CTNNA1: variants seen among roughly 807,000 people sequenced by gnomAD.
The protein encoded by CTNNA1 is catenin alpha 1.
CTNNA1 carries 37 observed loss-of-function variants against 98.4 expected under a neutral mutation model. The ratio of observed to expected loss-of-function variants is 0.38; its 90% CI spans 0.29 to 0.49. CTNNA1 has a LOEUF of 0.49. Among genes scored for constraint, CTNNA1 ranks in the 20% least tolerant of loss-of-function variants. The pLI, the probability that CTNNA1 is intolerant of heterozygous loss-of-function variation, is 0.95. For missense variants in CTNNA1, 761 were observed against 1,147.2 expected, an observed-to-expected ratio of 0.66 and a Z score of 4.86; for synonymous variants, 404 against 413.2, an observed-to-expected ratio of 0.98 and a Z score of 0.27.
chr5:138,782,971 TC>T (rs2149655230), intron 2 of CTNNA1, among the ~76,000 whole-genome samples: 1 of 152,280 alleles, frequency 6.6e-6, no homozygotes, highest in Non-Finnish European at 1.5e-5. Flanking sequence ...GTTAAATAAT[TC>T]TCTGTACACA....
rs563650860 is a variant in CTNNA1, at chr5:138,818,288, G to A, written c.588+5986G>A. Among the ~76,000 whole-genome samples, 75 of 151,064 alleles carry A rather than the reference G, an allele frequency of 5.0e-4. 1 individual carries two copies. The highest frequency in any genetic ancestry group is 6.8e-3 in the Middle Eastern group (2 of 294). ...CCAGCTTTTTTTTTTTTTTGGGAGCGGGGGTGGGTAGAGATAGGGTCTTGT... is the reference window on the plus strand; with the variant it reads ...CCAGCTTTTTTTTTTTTTTGGGAGCAGGGGTGGGTAGAGATAGGGTCTTGT... On this transcript the variant is annotated intron_variant, in intron 5 of 17. Coordinates refer to ENST00000302763, the MANE Select transcript of CTNNA1 (RefSeq NM_001903.5).
intron 7 of CTNNA1, among the ~76,000 whole-genome samples, chr5:138,852,109 A>G (rs977004119): frequency 2.0e-5 from 3 of 152,076 alleles, no homozygotes; most frequent in African/African-American, 7.2e-5. Context: ...AATATATAAC[A>G]TGGGTGCTAC....
Position 138,873,095 on chromosome 5 carries a change from G to A in CTNNA1, c.1063-13117G>A. 6.2e-7 allele frequency: 1 copy of A among 1,613,780 alleles called. No homozygotes were observed. Among genetic ancestry groups the A allele is most frequent in the Non-Finnish European group, 8.5e-7 (1 of 1,179,794 alleles). ...GATGATGAAGGGTCCTTCATGGGTG[G>A]GTTCATATTCATTATACGGTCCTTG... On this transcript the variant is annotated intron_variant, in intron 7 of 17. Coordinates refer to ENST00000302763, the MANE Select transcript of CTNNA1 (RefSeq NM_001903.5). The surrounding 1 kb of genome is among the most constrained non-coding windows in gnomAD (Gnocchi z 6.1).
chr5:138,875,249 C>T (rs1751229290), intron 7 of CTNNA1: 1 of 336,908 alleles, frequency 3.0e-6, no homozygotes, highest in South Asian at 7.3e-5. Context: ...TTGTTGATGG[C>T]AGATGGGTGG....
intron 9 of CTNNA1, among the ~76,000 whole-genome samples, chr5:138,892,584 C>G (rs1259588072): frequency 6.6e-6 from 1 of 151,164 alleles, no homozygotes; most frequent in South Asian, 2.1e-4. Flanking sequence ...TCAAGTGATT[C>G]GCCCGCCTCG....
At chr5:138,819,858 C>CG (rs763522743) in intron 5 of CTNNA1, among the ~76,000 whole-genome samples, 224 of 7,946 alleles carry the variant, frequency 0.028, 1 homozygote, top group African/African-American at 0.1. Flanking sequence ...TGGCGGGGGG[C>CG]GGGGGGGTGA....
At chr5:138,919,501 A>C (rs988625506) in intron 11 of CTNNA1, among the ~76,000 whole-genome samples, 5 of 152,202 alleles carry the variant, frequency 3.3e-5, no homozygotes, top group African/African-American at 1.2e-4. Context: ...CATTTAGTGG[A>C]TTCTAGGCAA....
At chr5:138,862,921 GT>G (rs1262139528) in intron 7 of CTNNA1, among the ~76,000 whole-genome samples, 1 of 152,116 alleles carries the variant, frequency 6.6e-6, no homozygotes, top group Non-Finnish European at 1.5e-5. Flanking sequence ...CTCTCTACAC[GT>G]TGCTATTAAA....
At chr5:138,788,396 A>G (rs772894818) in intron 3 of CTNNA1, among the ~76,000 whole-genome samples, 3 of 152,312 alleles carry the variant, frequency 2.0e-5, no homozygotes, top group Admixed American at 6.5e-5. Context: ...ATGCATGGGT[A>G]GGGGTGGAGA....
chr5:138,794,966 A>G (rs1009587383), intron 3 of CTNNA1, among the ~76,000 whole-genome samples: 3 of 152,006 alleles, frequency 2.0e-5, no homozygotes, highest in Non-Finnish European at 4.4e-5. Flanking sequence ...CCTGACCAAC[A>G]TGGTGAAACT....
At chr5:138,792,910 C>T (rs1157439374) in intron 3 of CTNNA1, among the ~76,000 whole-genome samples, 2 of 152,148 alleles carry the variant, frequency 1.3e-5, no homozygotes, top group African/African-American at 4.8e-5. Context: ...TCATAGTCTT[C>T]CTTTGAGTTC....
intron 7 of CTNNA1, chr5:138,875,430 G>C (rs538217024): frequency 1.0e-6 from 1 of 985,742 alleles, no homozygotes; most frequent in African/African-American, 1.7e-5. Context: ...AAGCTTTACT[G>C]TTATAAAGCA....
chr5:138,859,209 C>T (rs1051655488), intron 7 of CTNNA1, among the ~76,000 whole-genome samples: 1 of 152,172 alleles, frequency 6.6e-6, no homozygotes, highest in African/African-American at 2.4e-5. Flanking sequence ...TATTTGTTTT[C>T]CAATAGCACA....
chr5:138,812,434 A>G, intron 5 of CTNNA1, 132 bp downstream of exon 5: 1 of 939,684 alleles, frequency 1.1e-6, no homozygotes, highest in Non-Finnish European at 1.5e-6. Flanking sequence ...CATTTAAACT[A>G]AGGTGTCTTT....
At chr5:138,907,760 G>T (rs1263554908) in intron 10 of CTNNA1, among the ~76,000 whole-genome samples, 1 of 152,158 alleles carries the variant, frequency 6.6e-6, no homozygotes, top group South Asian at 2.1e-4. Flanking sequence ...TTATAGTAAG[G>T]CTACTGTTGA....
At chr5:138,835,752 G>A (rs1226149719) in intron 7 of CTNNA1, among the ~76,000 whole-genome samples, 2 of 152,144 alleles carry the variant, frequency 1.3e-5, no homozygotes, top group Non-Finnish European at 2.9e-5. Context: ...GAGTTACCTT[G>A]TGTGGGTGGT....
chr5:138,774,454 G>A (rs1753868531), intron 1 of CTNNA1, among the ~76,000 whole-genome samples: 1 of 152,126 alleles, frequency 6.6e-6, no homozygotes, highest in Non-Finnish European at 1.5e-5. Context: ...AGATGGTCTG[G>A]AAACCCTGGA....
intron 1 of CTNNA1, among the ~76,000 whole-genome samples, chr5:138,768,952 C>A (rs767501690): frequency 2.6e-5 from 4 of 151,936 alleles, no homozygotes; most frequent in African/African-American, 4.8e-5. Flanking sequence ...TAGCAGGATC[C>A]CAGAACTGAT....
chr5:138,921,293 C>T (rs1014792756), intron 11 of CTNNA1, among the ~76,000 whole-genome samples: 15 of 152,192 alleles, frequency 9.9e-5, no homozygotes, highest in Non-Finnish European at 1.6e-4. Flanking sequence ...GCAGTTTTGG[C>T]TCCCTTTTTT....
Sources: gnomAD v4.1 joint callset for allele counts (sites outside exome capture counted in the v4.1 genomes callset) on GRCh38, gnomAD v4.1.1 for gene constraint, Gnocchi (gnomAD v3.1) non-coding constraint, MANE v1.5 for transcripts, NCBI Gene and HGNC (gene_info 2026-07-23, HGNC 2026-07-21) for gene names.